RBPMS: variants seen among roughly 807,000 people sequenced by gnomAD.
RBPMS encodes RNA-binding protein with multiple splicing.
In RBPMS, 7 loss-of-function variants were observed where a neutral mutation model predicts 26.8. The observed-to-expected ratio is 0.26, with a 90% CI of 0.15 to 0.49. The LOEUF (loss-of-function observed/expected upper bound fraction) is 0.49. RBPMS is among the 20% of genes least tolerant of loss of function. The probability of loss-of-function intolerance (pLI) is 0.98; values close to 1 mark genes in which losing one functional copy is unlikely to be tolerated. For missense variants in RBPMS, 186 were observed against 250.0 expected (o/e 0.74, Z 1.73); for synonymous variants, 96 against 93.3 (o/e 1.03, Z -0.17).
intron 1 of RBPMS, among the ~76,000 whole-genome samples, chr8:30,438,081 C>T (rs970297538): frequency 3.9e-5 from 6 of 152,174 alleles, no homozygotes; most frequent in Admixed American, 3.9e-4. Context: ...CTTCCCCTTT[C>T]CTCTGATAAA....
At chr8:30,486,431 G>A (rs1419749409) in intron 4 of RBPMS, among the ~76,000 whole-genome samples, 1 of 151,352 alleles carries the variant, frequency 6.6e-6, no homozygotes, top group Non-Finnish European at 1.5e-5. Flanking sequence ...TTACCAGGCT[G>A]GCCAACATGG....
chr8:30,519,471 T>C (rs1316407057), intron 5 of RBPMS, among the ~76,000 whole-genome samples: 892 of 3,292 alleles, frequency 0.27, 94 homozygotes, highest in Non-Finnish European at 0.47. Flanking sequence ...TTTTTTTTTT[T>C]TTTTTTTTTT....
intron 8 of RBPMS, 86 bp downstream of exon 8, chr8:30,566,446 C>A: frequency 3.7e-6 from 1 of 273,134 alleles, no homozygotes; most frequent in Non-Finnish European, 5.6e-6. Context: ...TGGGGTCTGG[C>A]ATTCCAGGTG....
At chr8:30,466,201 T>C (rs1816474685) in intron 1 of RBPMS, among the ~76,000 whole-genome samples, 3 of 152,178 alleles carry the variant, frequency 2.0e-5, no homozygotes, top group African/African-American at 7.2e-5. Flanking sequence ...GTACTCTGGA[T>C]AATTATTAAT....
intron 6 of RBPMS, chr8:30,556,942 CAG>C (rs1320885747): frequency 4.4e-6 from 1 of 228,106 alleles, no homozygotes; most frequent in Non-Finnish European, 7.3e-6. Flanking sequence ...TCTAATTTCC[CAG>C]AGGAGTGTTT....
intron 1 of RBPMS, among the ~76,000 whole-genome samples, chr8:30,443,234 A>G (rs1813329305): frequency 6.6e-6 from 1 of 152,194 alleles, no homozygotes; most frequent in African/African-American, 2.4e-5. Context: ...AAACTGTAAT[A>G]CTTAATATTT....
At chr8:30,428,020 CTTTTTTT>C (rs58756060) in intron 1 of RBPMS, among the ~76,000 whole-genome samples, 2 of 103,952 alleles carry the variant, frequency 1.9e-5, no homozygotes, top group East Asian at 6.2e-4. Flanking sequence ...GAGACCCCAT[CTTTTTTT>C]TTTTTTTTTT....
intron 4 of RBPMS, among the ~76,000 whole-genome samples, chr8:30,493,317 GA>G (rs1208368352): frequency 6.6e-6 from 1 of 152,162 alleles, no homozygotes; most frequent in Admixed American, 6.5e-5. Context: ...CAGGTAGCAG[GA>G]GAAAAAGACA....
At chr8:30,519,664 AT>A (rs1822825591) in intron 5 of RBPMS, among the ~76,000 whole-genome samples, 1 of 151,376 alleles carries the variant, frequency 6.6e-6, no homozygotes. Flanking sequence ...TTTTATTTTT[AT>A]TTTTTGTATT....
chr8:30,470,901 CTCT>C (rs1817022157), intron 1 of RBPMS, among the ~76,000 whole-genome samples: 1 of 152,114 alleles, frequency 6.6e-6, no homozygotes, highest in South Asian at 2.1e-4. Flanking sequence ...AGATAAGAAT[CTCT>C]TCGCTTTCCA....
intron 5 of RBPMS, among the ~76,000 whole-genome samples, chr8:30,531,929 T>C (rs1374734154): frequency 6.6e-6 from 1 of 152,208 alleles, no homozygotes; most frequent in Non-Finnish European, 1.5e-5. Context: ...GGGAATTGTG[T>C]AGGTCAGAGT....
At position 30,384,874 on chromosome 8, in the gene RBPMS, C is replaced by A; in HGVS notation, c.-219C>A. The A allele has an allele frequency of 2.9e-6, 1 of 350,402 alleles. No individual in the cohort carries two copies. The highest frequency in any genetic ancestry group is 5.0e-6 in the Non-Finnish European group (1 of 198,356). The allele number at this position is 350,402 out of a possible 1,614,324, so 21.7% of individuals were successfully genotyped here. A position where few individuals can be genotyped will look rare whatever the true frequency, so the allele number is the denominator to read the frequency against. ...CGCCCTGCCCCGTCTCTCCCTTGCA[C>A]TTCCTGAGTCGCCCGCCGCCGCCGT... On this transcript the variant is annotated 5_prime_UTR_variant, in exon 1 of 9. Coordinates refer to ENST00000397323, the MANE Select transcript of RBPMS (RefSeq NM_001008710.3). The surrounding 1 kb of genome is among the most constrained non-coding windows in gnomAD (Gnocchi z 5.6).
chr8:30,505,492 T>C (rs958143652), intron 5 of RBPMS, among the ~76,000 whole-genome samples: 3 of 152,190 alleles, frequency 2.0e-5, no homozygotes, highest in Admixed American at 2.0e-4. Context: ...AACTAACAGA[T>C]AAGTCTCCCT....
At chr8:30,558,684 T>C (rs1827185332) in intron 6 of RBPMS, 2 of 632,362 alleles carry the variant, frequency 3.2e-6, no homozygotes, top group South Asian at 3.5e-5. Context: ...AGAGCTTGCC[T>C]GTGTGTTCAT....
chr8:30,511,482 AAAAAATATATATAT>A (rs1313447180), intron 5 of RBPMS, among the ~76,000 whole-genome samples: 8 of 6,790 alleles, frequency 1.2e-3, no homozygotes, highest in African/African-American at 1.5e-3. Flanking sequence ...AAAAAAAAAA[AAAAAATATATATAT>A]ATATATATAT....
chr8:30,451,330 CAT>C (rs1475197223), intron 1 of RBPMS, among the ~76,000 whole-genome samples: 3 of 152,204 alleles, frequency 2.0e-5, no homozygotes, highest in Admixed American at 6.5e-5. Flanking sequence ...TGTAAAATGA[CAT>C]ATTATCAAGA....
At chr8:30,387,227 A>G (rs1462370396) in intron 1 of RBPMS, 1 of 152,160 alleles carries the variant, frequency 6.6e-6, no homozygotes, top group South Asian at 2.1e-4. Context: ...GTTGTCCAAG[A>G]GAGATGTCGT....
In RBPMS at chr8:30,566,237, G is replaced by A. The variant is rs1827879676; in HGVS notation, c.*8-20G>A. 1.4e-5 allele frequency: 14 copies of A among 985,674 alleles called. No homozygotes were observed. Among genetic ancestry groups the A allele is most frequent in the Non-Finnish European group, 1.4e-5 (12 of 829,860 alleles). The allele number at this position is 985,674 out of a possible 1,614,324, so 61.1% of individuals were successfully genotyped here. On this transcript the variant is annotated intron_variant, in intron 7 of 8. Transcript: ENST00000397323. The stretch of plus-strand genomic sequence containing the variant: ...GGAGGTTACTGTGCACCGTTAACGG[G>A]TGATCTTTCTCCATCCCAGGTCCCA...
At chr8:30,419,563 G>A (rs999671875) in intron 1 of RBPMS, among the ~76,000 whole-genome samples, 7 of 151,668 alleles carry the variant, frequency 4.6e-5, no homozygotes, top group South Asian at 2.1e-4. Flanking sequence ...GAGCACTGAC[G>A]TACCACAAGT....
Sources: allele counts gnomAD v4.1 joint callset (sites outside exome capture counted in the v4.1 genomes callset), GRCh38; gene constraint gnomAD v4.1.1; non-coding constraint Gnocchi (gnomAD v3.1); transcripts MANE v1.5; gene names NCBI Gene and HGNC (gene_info 2026-07-23, HGNC 2026-07-21).